Variants in TULP4 observed in about 807,000 individuals in gnomAD.
TULP4 encodes TUB like protein 4.
TULP4 carries 16 observed loss-of-function variants against 129.0 expected under a neutral mutation model. The observed-to-expected ratio is 0.12, with a 90% CI of 0.08 to 0.19. The LOEUF (loss-of-function observed/expected upper bound fraction) is 0.19. Among genes scored for constraint, TULP4 ranks in the 10% least tolerant of loss-of-function variants. The pLI is 1.00. For synonymous variants in TULP4, 998 were observed against 854.0 expected (o/e 1.17, Z -2.94); for missense variants, 1,842 against 2,059.1 (o/e 0.89, Z 2.04).
At chr6:158,337,035 T>TTTTCTTTC (rs777358592) in intron 1 of TULP4, among the ~76,000 whole-genome samples, 2,129 of 26,610 alleles carry the variant, frequency 0.08, 37 homozygotes, top group South Asian at 0.14. Context: ...CTTTCTTTCT[T>TTTTCTTTC]TTTCTTTCTT....
At chr6:158,348,173 G>GTTTTTTTTTTTTTTTTTTTTTTT (rs34217788) in intron 1 of TULP4, among the ~76,000 whole-genome samples, 29 of 112,148 alleles carry the variant, frequency 2.6e-4, no homozygotes, top group African/African-American at 9.9e-4. Flanking sequence ...TTTTTTTAAG[G>GTTTTTTTTTTTTTTTTTTTTTTT]TTTTTTTTTT....
At chr6:158,274,558 T>C (rs910660794) in intron 1 of TULP4, among the ~76,000 whole-genome samples, 30 of 151,898 alleles carry the variant, frequency 2.0e-4, no homozygotes, top group Non-Finnish European at 3.8e-4. Context: ...GGGCGGATCA[T>C]GAGGTCAGGA....
intron 1 of TULP4, among the ~76,000 whole-genome samples, chr6:158,393,363 A>G (rs1436647654): frequency 2.0e-5 from 3 of 152,112 alleles, no homozygotes; most frequent in South Asian, 2.1e-4. Context: ...GGTCTAGAGG[A>G]TGGTGGCCCT....
chr6:158,420,431 C>T (rs188016480), intron 2 of TULP4, among the ~76,000 whole-genome samples: 1 of 152,316 alleles, frequency 6.6e-6, no homozygotes, highest in African/African-American at 2.4e-5. Flanking sequence ...GAACACAGTG[C>T]AACTGGGTTA....
chr6:158,466,587 G>C (rs1453992987), intron 6 of TULP4, among the ~76,000 whole-genome samples: 1 of 152,134 alleles, frequency 6.6e-6, no homozygotes, highest in Non-Finnish European at 1.5e-5. Context: ...GTGTCTTTGG[G>C]CAGTATAATA....
intron 1 of TULP4, among the ~76,000 whole-genome samples, chr6:158,408,847 G>A (rs1289641767): frequency 6.6e-6 from 1 of 152,190 alleles, no homozygotes; most frequent in African/African-American, 2.4e-5. Flanking sequence ...CAATCACTTT[G>A]TTTTTCTTGC....
intron 3 of TULP4, 25 bp from the exon 4 acceptor site, chr6:158,448,971 C>G: frequency 6.3e-7 from 1 of 1,582,342 alleles, no homozygotes; most frequent in South Asian, 1.1e-5. Flanking sequence ...GCCACTTGGT[C>G]AGAGGTCCCC....
intron 1 of TULP4, among the ~76,000 whole-genome samples, chr6:158,317,911 A>G (rs1469974387): frequency 1.3e-5 from 2 of 152,196 alleles, no homozygotes; most frequent in East Asian, 3.8e-4. Context: ...ATGACCAGTG[A>G]TGATGAGCAT....
upstream of TULP4, among the ~76,000 whole-genome samples, chr6:158,280,649 T>C (rs1205060058): frequency 6.6e-6 from 1 of 152,260 alleles, no homozygotes; most frequent in Non-Finnish European, 1.5e-5. Context: ...GCTTTCCTTA[T>C]GGAGTGGTGA....
Position 158,502,022 on chromosome 6 carries a change from A to G in TULP4, c.2359A>G (p.Thr787Ala), listed in dbSNP as rs1391050838. ...GCCGCAGGGGCCCATGCAGCTGTCCACGGTGGGCCATGGAGACCGAGACCA... is the reference window on the plus strand; with the variant it reads ...GCCGCAGGGGCCCATGCAGCTGTCCGCGGTGGGCCATGGAGACCGAGACCA... ...PPPQGPMQLS[T>A]VGHGDRDHEH... Residue 787 changes from threonine to alanine, a missense_variant, in exon 13 of 14, where the codon ACG becomes GCG. Thr to Ala is a moderately conservative substitution (Grantham distance 58). This residue lies in a region of TULP4 where 1,089 missense variants were observed against 987.1 expected (regional missense o/e 1.10). Transcript: ENST00000367097. 1.2e-6 allele frequency: 2 copies of G among 1,611,512 alleles called. No homozygotes were observed. Among genetic ancestry groups the G allele is most frequent in the African/African-American group, 2.7e-5 (2 of 73,900 alleles).
chr6:158,293,353 T>G (rs904506243), intron 1 of TULP4, among the ~76,000 whole-genome samples: 3 of 152,196 alleles, frequency 2.0e-5, no homozygotes, highest in Non-Finnish European at 4.4e-5. Flanking sequence ...CTCATTCAGT[T>G]CATGTTTATT....
intron 1 of TULP4, 73 bp from the exon 2 acceptor site, chr6:158,412,992 G>A (rs759526217): frequency 1.0e-5 from 16 of 1,546,772 alleles, no homozygotes; most frequent in Non-Finnish European, 1.4e-5. Flanking sequence ...GTTCAAGTCT[G>A]ATCACATCAC....
At position 158,503,107 on chromosome 6, in the gene TULP4, A is replaced by T; in HGVS notation, c.3444A>T (p.Leu1148Phe). 6.2e-7 allele frequency: 1 copy of T among 1,614,074 alleles called. No individual in the cohort carries two copies. ...CACAGACTTCAGGGCCCAACCCCTT[A>T]AAACTGTCCTCTCTGATGCTGAGTC... ...RTAQTSGPNPLKLSSLMLSQG... is the reference protein window; with the variant it reads ...RTAQTSGPNPFKLSSLMLSQG... Residue 1148 changes from leucine (L) to phenylalanine (F), a missense_variant, in exon 13 of 14, where the codon TTA (leucine) becomes TTT (phenylalanine). Physicochemically the swap from Leu to Phe is conservative, Grantham distance 22. Coordinates refer to ENST00000367097, the MANE Select transcript of TULP4 (RefSeq NM_020245.5). This position sits in a 1 kb window ranked among gnomAD's most constrained non-coding sequence, Gnocchi z 4.3.
At chr6:158,326,076 A>G (rs1779740163) in intron 1 of TULP4, among the ~76,000 whole-genome samples, 2 of 152,144 alleles carry the variant, frequency 1.3e-5, no homozygotes, top group Non-Finnish European at 2.9e-5. Flanking sequence ...TAATCATTCC[A>G]GTATTACTGT....
chr6:158,256,920 G>A (rs1488916770), intron 1 of TULP4, among the ~76,000 whole-genome samples: 1 of 152,142 alleles, frequency 6.6e-6, no homozygotes, highest in African/African-American at 2.4e-5. Context: ...GGTGGCAGCA[G>A]GTGAGCCTCC....
rs538200468 is a variant in TULP4 at position 158,438,215 on chromosome 6, T to G, written c.543+8318T>G. On this transcript the variant is annotated intron_variant, in intron 3 of 13. Transcript: ENST00000367097. ...ATATTTTACATTTGCTTTTTTATCCTTTCTTTTTCTTCTTCTTTGTTGTAT... is the reference window on the plus strand; with the variant it reads ...ATATTTTACATTTGCTTTTTTATCCGTTCTTTTTCTTCTTCTTTGTTGTAT... The G allele has an allele frequency of 2.0e-5, 3 of 152,370 alleles. No homozygotes were observed. In the South Asian group the frequency reaches 6.2e-4, roughly 32 times the overall value. The allele number at this position is 152,370 out of a possible 1,614,324, so 9.4% of individuals were successfully genotyped here.
rs577151680 is a variant in TULP4, at chr6:158,479,658, A to C, written c.1027-93A>C. On this transcript the variant is annotated intron_variant, in intron 6 of 13. Coordinates refer to ENST00000367097, the MANE Select transcript of TULP4 (RefSeq NM_020245.5). ...AAAACCAGTATTCTCAAAACAGCTTATTTTATTTTGCTCGAGACAAGTGTG... is the reference window on the plus strand; with the variant it reads ...AAAACCAGTATTCTCAAAACAGCTTCTTTTATTTTGCTCGAGACAAGTGTG... 89 of 1,190,218 alleles carry C rather than the reference A, an allele frequency of 7.5e-5. No individual in the cohort carries two copies. The Middle Eastern group carries it at 1.4e-3, about 18-fold the overall frequency. The allele number at this position is 1,190,218 out of a possible 1,614,324, so 73.7% of individuals were successfully genotyped here.
At chr6:158,238,956 C>T (rs1365095811) in intron 1 of TULP4, among the ~76,000 whole-genome samples, 33 of 139,844 alleles carry the variant, frequency 2.4e-4, no homozygotes, top group Admixed American at 1.8e-3. Context: ...ACCTCCCAGA[C>T]GGGGTGGTGG....
upstream of TULP4, among the ~76,000 whole-genome samples, chr6:158,278,523 C>CAT (rs1418844197): frequency 6.6e-6 from 1 of 151,770 alleles, no homozygotes; most frequent in African/African-American, 2.4e-5. Context: ...ATTTTCAATA[C>CAT]ATATACTTAG....
Sources: gnomAD v4.1 joint callset for allele counts (sites outside exome capture counted in the v4.1 genomes callset) on GRCh38, gnomAD v4.1.1 for gene constraint, gnomAD v4.1.1 regional missense constraint, Gnocchi (gnomAD v3.1) non-coding constraint, MANE v1.5 for transcripts, NCBI Gene and HGNC (gene_info 2026-07-23, HGNC 2026-07-21) for gene names.